SPATA17: variants seen among roughly 807,000 people sequenced by gnomAD.
The protein encoded by SPATA17 is spermatogenesis-associated protein 17.
A neutral mutation model predicts 62.2 loss-of-function variants in SPATA17; 53 were observed. The observed-to-expected ratio is 0.85, with a 90% confidence interval of 0.68 to 1.07. The LOEUF (loss-of-function observed/expected upper bound fraction) is 1.07, where lower values mean the gene tolerates loss of function less well. Ranked by LOEUF, SPATA17 falls within the 50% of genes least tolerant of loss-of-function variation. The probability of loss-of-function intolerance (pLI) is 0.00; values close to 1 mark genes in which losing one functional copy is unlikely to be tolerated. For synonymous variants in SPATA17, 146 were observed against 146.8 expected, an observed-to-expected ratio of 0.99 and a Z score of 0.04; for missense variants, 466 against 425.5, an observed-to-expected ratio of 1.10 and a Z score of -0.84.
intron 9 of SPATA17, among the ~76,000 whole-genome samples, chr1:217,822,398 G>T (rs902880022): frequency 4.6e-5 from 7 of 151,084 alleles, no homozygotes; most frequent in Non-Finnish European, 8.9e-5. Context: ...TCATATTTCT[G>T]TTCACGAGTT....
In SPATA17 at chr1:217,637,631, C is replaced by T. The variant is rs527726159; in HGVS notation, c.68+6185C>T. Among the ~76,000 whole-genome samples, 47 of 152,262 alleles carry T rather than the reference C, an allele frequency of 3.1e-4. 1 individual carries two copies. Among genetic ancestry groups the T allele is most frequent in the African/African-American group, 9.6e-4 (40 of 41,560 alleles). ...AAATTGACTGTAGTTCCTCCTGTATCCTTAGTCTAATAATTTTGTTCAGTG... is the reference window on the plus strand; with the variant it reads ...AAATTGACTGTAGTTCCTCCTGTATTCTTAGTCTAATAATTTTGTTCAGTG... On this transcript the variant is annotated intron_variant, in intron 1 of 10. Coordinates refer to ENST00000366933, the MANE Select transcript of SPATA17 (RefSeq NM_138796.4).
At chr1:217,859,974 T>G (rs2103015754) in intron 9 of SPATA17, among the ~76,000 whole-genome samples, 1 of 152,260 alleles carries the variant, frequency 6.6e-6, no homozygotes, top group Middle Eastern at 3.4e-3. Flanking sequence ...TAATATAGTT[T>G]TCTAAAGTGG....
chr1:217,714,484 G>GTTCCTTTTTTTT (rs1671951887), intron 5 of SPATA17, among the ~76,000 whole-genome samples: 1 of 124,000 alleles, frequency 8.1e-6, no homozygotes, highest in African/African-American at 3.4e-5. Context: ...TGGAAAACGT[G>GTTCCTTTTTTTT]TTTCTTTTTT....
intron 6 of SPATA17, among the ~76,000 whole-genome samples, chr1:217,749,979 C>CTATATATATATATA (rs1421804013): frequency 7.1e-4 from 22 of 30,898 alleles, no homozygotes; most frequent in African/African-American, 1.4e-3. Flanking sequence ...CTCTCTCTCT[C>CTATATATATATATA]TCTCTCTATA....
intron 9 of SPATA17, among the ~76,000 whole-genome samples, chr1:217,852,312 T>G (rs1218774656): frequency 6.6e-6 from 1 of 152,198 alleles, no homozygotes; most frequent in Non-Finnish European, 1.5e-5. Flanking sequence ...TAGGTAATCA[T>G]TATTAATAGT....
chr1:217,685,208 G>C (rs371425753), intron 5 of SPATA17, among the ~76,000 whole-genome samples: 1 of 152,126 alleles, frequency 6.6e-6, no homozygotes, highest in African/African-American at 2.4e-5. Flanking sequence ...TATCAACCTT[G>C]AACTTTCATA....
chr1:217,813,895 A>T (rs2102993271), intron 9 of SPATA17, among the ~76,000 whole-genome samples: 1 of 152,154 alleles, frequency 6.6e-6, no homozygotes, highest in South Asian at 2.1e-4. Flanking sequence ...GTATTGTATT[A>T]CTTAGTAAAA....
chr1:217,712,138 T>G (rs979904205), intron 5 of SPATA17, among the ~76,000 whole-genome samples: 3 of 149,830 alleles, frequency 2.0e-5, no homozygotes, highest in Non-Finnish European at 4.5e-5. Flanking sequence ...CTTTTGTTTT[T>G]TTTTTTTTAC....
At chr1:217,843,401 G>A (rs1185602982) in intron 9 of SPATA17, among the ~76,000 whole-genome samples, 1 of 151,974 alleles carries the variant, frequency 6.6e-6, no homozygotes, top group Non-Finnish European at 1.5e-5. Flanking sequence ...AGGATCCTGA[G>A]TCCAGGAGTT....
intron 4 of SPATA17, among the ~76,000 whole-genome samples, chr1:217,681,920 C>T (rs1397018627): frequency 2.6e-5 from 4 of 151,430 alleles, no homozygotes; most frequent in African/African-American, 9.7e-5. Flanking sequence ...TCCATATTTC[C>T]CTTTCCTATT....
intron 5 of SPATA17, among the ~76,000 whole-genome samples, chr1:217,696,418 G>A (rs1329310516): frequency 6.6e-6 from 1 of 152,122 alleles, no homozygotes; most frequent in Admixed American, 6.5e-5. Flanking sequence ...GATGAACCCG[G>A]TACCTCAGAT....
At chr1:217,720,176 A>G (rs533939482) in intron 5 of SPATA17, among the ~76,000 whole-genome samples, 1 of 152,218 alleles carries the variant, frequency 6.6e-6, no homozygotes, top group Non-Finnish European at 1.5e-5. Flanking sequence ...ACAAATTAGT[A>G]AAGGTAAAAT....
intron 9 of SPATA17, among the ~76,000 whole-genome samples, chr1:217,842,388 C>A (rs2103007502): frequency 6.6e-6 from 1 of 152,070 alleles, no homozygotes; most frequent in South Asian, 2.1e-4. Context: ...ATTGTTCTTT[C>A]TTCCTTAAAC....
At chr1:217,718,600 A>G (rs139063316) in intron 5 of SPATA17, among the ~76,000 whole-genome samples, 1 of 152,318 alleles carries the variant, frequency 6.6e-6, no homozygotes, top group African/African-American at 2.4e-5. Flanking sequence ...TACTAAGAGT[A>G]TTCCTACAAA....
At chr1:217,678,210 T>C (rs180672701) in intron 4 of SPATA17, among the ~76,000 whole-genome samples, 4,821 of 140,300 alleles carry the variant, frequency 0.034, 76 homozygotes, top group Middle Eastern at 0.068. Context: ...CTTTTCTTTT[T>C]TTTTTTTTTT....
At chr1:217,642,788 C>T (rs939715178) in intron 1 of SPATA17, among the ~76,000 whole-genome samples, 1 of 152,104 alleles carries the variant, frequency 6.6e-6, no homozygotes, top group African/African-American at 2.4e-5. Context: ...CTGAGGGCTC[C>T]CAGCCATGCA....
intron 5 of SPATA17, among the ~76,000 whole-genome samples, chr1:217,693,258 G>T (rs1671382422): frequency 7.0e-6 from 1 of 143,068 alleles, no homozygotes; most frequent in Admixed American, 7.0e-5. Flanking sequence ...ATTTCTTCTA[G>T]ATTTTCTAGT....
At chr1:217,806,677 C>T (rs1674443224) in intron 9 of SPATA17, among the ~76,000 whole-genome samples, 1 of 152,142 alleles carries the variant, frequency 6.6e-6, no homozygotes, top group Admixed American at 6.5e-5. Context: ...TAGTCAAGAA[C>T]TTTTTCTAGG....
At chr1:217,680,078 C>G (rs1671043480) in intron 4 of SPATA17, among the ~76,000 whole-genome samples, 2 of 152,200 alleles carry the variant, frequency 1.3e-5, no homozygotes, top group South Asian at 4.1e-4. Context: ...TGTTTGATAT[C>G]TTAATATTTT....
Sources: gnomAD v4.1 joint callset for allele counts (sites outside exome capture counted in the v4.1 genomes callset) on GRCh38, gnomAD v4.1.1 for gene constraint, MANE v1.5 for transcripts, NCBI Gene and HGNC (gene_info 2026-07-23, HGNC 2026-07-21) for gene names.